Variants in ATP2B2 observed in about 807,000 individuals in gnomAD.
ATP2B2 encodes plasma membrane calcium-transporting ATPase 2.
ATP2B2 carries 15 observed loss-of-function variants against 120.0 expected under a neutral mutation model. The ratio of observed to expected loss-of-function variants is 0.12; its 90% CI spans 0.08 to 0.19. ATP2B2 has a LOEUF of 0.19. ATP2B2 is among the 10% of genes least tolerant of loss of function. The pLI is 1.00. For synonymous variants in ATP2B2, 694 were observed against 700.3 expected (o/e 0.99, Z 0.14); for missense variants, 1,045 against 1,719.8 (o/e 0.61, Z 6.94).
upstream of ATP2B2, among the ~76,000 whole-genome samples, chr3:10,509,283 A>G (rs1341714523): frequency 6.6e-6 from 1 of 152,076 alleles, no homozygotes; most frequent in Non-Finnish European, 1.5e-5. Flanking sequence ...GGAAGCATGG[A>G]TGAGGGCTAC....
At chr3:10,569,202 G>A (rs2068072250) in intron 2 of ATP2B2, among the ~76,000 whole-genome samples, 2 of 152,170 alleles carry the variant, frequency 1.3e-5, no homozygotes, top group South Asian at 4.1e-4. Flanking sequence ...GGAAAAATGT[G>A]ACAATTATAA....
At chr3:10,415,778 G>A (rs1373438731) in intron 2 of ATP2B2, among the ~76,000 whole-genome samples, 1 of 152,224 alleles carries the variant, frequency 6.6e-6, no homozygotes, top group African/African-American at 2.4e-5. Context: ...GTGTGTCAAA[G>A]ATTACCGGAC....
chr3:10,462,325 G>A (rs775202924), intron 1 of ATP2B2, among the ~76,000 whole-genome samples: 2 of 152,104 alleles, frequency 1.3e-5, no homozygotes, highest in Non-Finnish European at 2.9e-5. Flanking sequence ...CTTCCCTCAT[G>A]TCCAGTCCGG....
intron 1 of ATP2B2, among the ~76,000 whole-genome samples, chr3:10,632,249 C>T (rs1186854042): frequency 6.6e-6 from 1 of 152,188 alleles, no homozygotes; most frequent in African/African-American, 2.4e-5. Flanking sequence ...CTCACACTCC[C>T]TATAAGATTA....
chr3:10,442,491 G>A (rs1360051290), intron 2 of ATP2B2, among the ~76,000 whole-genome samples: 1 of 152,194 alleles, frequency 6.6e-6, no homozygotes, highest in Non-Finnish European at 1.5e-5. Context: ...TGATTAACAT[G>A]TAGGTTTATT....
At position 10,325,997 on chromosome 3, in the gene ATP2B2, A is replaced by G. The variant is rs182292109; in HGVS notation, c.*2817T>C. On this transcript the variant is annotated 3_prime_UTR_variant, in exon 23 of 23. Coordinates refer to ENST00000360273, the MANE Select transcript of ATP2B2 (RefSeq NM_001001331.4). ...TTTTTTGCTTTTTTTTTTAAACCAC[A>G]AACATTTCAGAACCACACTGCACGA... 23 of 152,414 alleles carry G rather than the reference A, an allele frequency of 1.5e-4. No individual in the cohort carries two copies. Among genetic ancestry groups the G allele is most frequent in the African/African-American group, 5.3e-4 (22 of 41,548 alleles). 9.4% of individuals were successfully genotyped at this position (152,414 alleles called of 1,614,324 possible). A position where few individuals can be genotyped will look rare whatever the true frequency, so the allele number is the denominator to read the frequency against.
chr3:10,662,411 C>G (rs1254716545), intron 1 of ATP2B2, among the ~76,000 whole-genome samples: 1 of 143,184 alleles, frequency 7.0e-6, no homozygotes, highest in Non-Finnish European at 1.5e-5. Context: ...AACAAACAAC[C>G]CCATCAAAAA....
At chr3:10,594,011 A>C (rs1240756940) in intron 2 of ATP2B2, among the ~76,000 whole-genome samples, 1 of 152,256 alleles carries the variant, frequency 6.6e-6, no homozygotes, top group East Asian at 1.9e-4. Flanking sequence ...TCAAAACCAC[A>C]ATGAGATACC....
At chr3:10,413,542 G>A (rs1005825150) in intron 2 of ATP2B2, among the ~76,000 whole-genome samples, 6 of 152,252 alleles carry the variant, frequency 3.9e-5, no homozygotes, top group African/African-American at 1.4e-4. Flanking sequence ...CCTAGGCCCT[G>A]AGAGCCCAGG....
chr3:10,575,472 T>C (rs1159363478), intron 2 of ATP2B2, among the ~76,000 whole-genome samples: 1 of 152,132 alleles, frequency 6.6e-6, no homozygotes. Context: ...GAGTTTCAGT[T>C]GGGGAAGATG....
At chr3:10,651,020 T>G (rs1274361997) in intron 1 of ATP2B2, among the ~76,000 whole-genome samples, 1 of 152,196 alleles carries the variant, frequency 6.6e-6, no homozygotes, top group Non-Finnish European at 1.5e-5. Flanking sequence ...ATTTCTCCCA[T>G]TTGGAATGGC....
At chr3:10,367,666 G>C (rs906448206) in intron 12 of ATP2B2, among the ~76,000 whole-genome samples, 1 of 152,136 alleles carries the variant, frequency 6.6e-6, no homozygotes, top group African/African-American at 2.4e-5. Context: ...GCAGGGACCT[G>C]GGCCTGGGCT....
At chr3:10,671,524 T>C (rs900455366) in intron 1 of ATP2B2, among the ~76,000 whole-genome samples, 2 of 151,994 alleles carry the variant, frequency 1.3e-5, no homozygotes, top group Non-Finnish European at 2.9e-5. Context: ...ACCAGGATGG[T>C]TGGTCACCCT....
intron 3 of ATP2B2, among the ~76,000 whole-genome samples, chr3:10,518,298 T>A (rs1490361456): frequency 6.6e-6 from 1 of 152,222 alleles, no homozygotes; most frequent in Non-Finnish European, 1.5e-5. Flanking sequence ...TCAAAGTAAG[T>A]GCACAGGTAT....
At chr3:10,334,062 A>G (rs898101638) in intron 22 of ATP2B2, among the ~76,000 whole-genome samples, 3 of 152,270 alleles carry the variant, frequency 2.0e-5, no homozygotes, top group South Asian at 2.1e-4. Flanking sequence ...AAGCTGAGAA[A>G]GAAGTGGCTG....
At chr3:10,507,306 CG>C (rs2066660531), upstream of ATP2B2, among the ~76,000 whole-genome samples, 1 of 152,108 alleles carries the variant, frequency 6.6e-6, no homozygotes, top group African/African-American at 2.4e-5. Context: ...CTTCATCTTG[CG>C]GGTGCAGATG....
At chr3:10,665,189 AATCCATACAG>A (rs2070895835) in intron 1 of ATP2B2, among the ~76,000 whole-genome samples, 1 of 152,106 alleles carries the variant, frequency 6.6e-6, no homozygotes, top group African/African-American at 2.4e-5. Context: ...TGAAGAATAA[AATCCATACAG>A]CTCCTGCCTG....
chr3:10,597,972 A>G (rs1233645152), intron 2 of ATP2B2, among the ~76,000 whole-genome samples: 1 of 152,180 alleles, frequency 6.6e-6, no homozygotes, highest in Non-Finnish European at 1.5e-5. Flanking sequence ...CGATTTGAAC[A>G]GGATGCTGGA....
chr3:10,498,582 C>A lies in ATP2B2; in HGVS notation c.-320+6883G>T, dbSNP rs11922906. On this transcript the variant is annotated intron_variant, in intron 1 of 22. Transcript: ENST00000360273. Reference sequence around the variant, plus strand: ...GGCTAGAATGAGTTCATCCAGATGACGCCCCCATGGCTCCCACAAAATGGT... The same window carrying A: ...GGCTAGAATGAGTTCATCCAGATGAAGCCCCCATGGCTCCCACAAAATGGT... Among the ~76,000 whole-genome samples, 1,152 of 152,338 alleles carry A rather than the reference C, an allele frequency of 7.6e-3. 14 individuals are homozygous for A. Among genetic ancestry groups the A allele is most frequent in the African/African-American group, 0.026 (1,093 of 41,578 alleles).
Sources: allele counts gnomAD v4.1 joint callset (sites outside exome capture counted in the v4.1 genomes callset), GRCh38; gene constraint gnomAD v4.1.1; transcripts MANE v1.5; gene names NCBI Gene and HGNC (gene_info 2026-07-23, HGNC 2026-07-21).